Variants in ZNF718 observed in about 807,000 individuals in gnomAD.
ZNF718 encodes the protein zinc finger protein 718.
Under a neutral mutation model 2.6 loss-of-function variants are expected in ZNF718, and 3 were observed. That is an observed-to-expected ratio of 1.16 (90% CI 0.53 to 3.01). The LOEUF is 3.01. Among genes scored for constraint, ZNF718 ranks in the 30% most tolerant of loss-of-function variants. The probability of loss-of-function intolerance (pLI) is 0.03; values close to 1 mark genes in which losing one functional copy is unlikely to be tolerated. For synonymous variants in ZNF718, 135 were observed against 77.9 expected, an observed-to-expected ratio of 1.73 and a Z score of -3.86; for missense variants, 468 against 230.0, an observed-to-expected ratio of 2.03 and a Z score of -6.69.
chr4:173,559 C>T (rs576870082), intron 3 of ZNF718, among the ~76,000 whole-genome samples: 5 of 136,064 alleles, frequency 3.7e-5, no homozygotes, highest in African/African-American at 1.4e-4. Context: ...TCAAATGTGC[C>T]CTTTTAGTTT....
In ZNF718 at chr4:157,115, T is replaced by C. The variant is rs1443374791; in HGVS notation, c.227-3797T>C. Among the ~76,000 whole-genome samples the C allele has an allele frequency of 4.0e-3, 425 of 106,840 alleles. 13 individuals are homozygous for C. Among genetic ancestry groups the C allele is most frequent in the African/African-American group, 5.8e-3 (203 of 35,020 alleles). 70.1% of individuals were successfully genotyped at this position (106,840 alleles called of 152,430 possible). A position where few individuals can be genotyped will look rare whatever the true frequency, so the allele number is the denominator to read the frequency against. On this transcript the variant is annotated intron_variant, in intron 3 of 3. Transcript: ENST00000510175. ...TCTTTCTTTCTTTCTTTTTTTTTTT[T>C]TTTTTTTTTTTTTTTTCAGACAGTT... is the stretch of plus-strand genomic sequence containing the variant.
intron 3 of ZNF718, among the ~76,000 whole-genome samples, chr4:155,337 C>T (rs1213355033): frequency 2.0e-5 from 3 of 152,106 alleles, no homozygotes; most frequent in Admixed American, 6.6e-5. Flanking sequence ...ACTGATAGCT[C>T]GCACCATGCA....
upstream of ZNF718, chr4:124,489 G>A (rs1417398011): frequency 1.3e-6 from 1 of 750,710 alleles, no homozygotes; most frequent in Admixed American, 2.1e-5. Context: ...TGCGGCATCC[G>A]GGATCTGGCG....
chr4:170,722 C>T (rs1321022938), intron 3 of ZNF718, among the ~76,000 whole-genome samples: 1 of 152,112 alleles, frequency 6.6e-6, no homozygotes, highest in East Asian at 1.9e-4. Flanking sequence ...GACTTCTCTG[C>T]ATTATTATTC....
At chr4:154,666 G>A (rs1248288895) in intron 3 of ZNF718, among the ~76,000 whole-genome samples, 1 of 152,182 alleles carries the variant, frequency 6.6e-6, no homozygotes, top group Non-Finnish European at 1.5e-5. Flanking sequence ...AAGCATTCAT[G>A]AGGTGACTTG....
Position 161,552 on chromosome 4 carries a change from T to C in ZNF718, c.867T>C (p.Gly289=), listed in dbSNP as rs782557457. ...AQKYYKCEEC[G]KAFKWSSSLN... ...AATACTACAAATGTGAAGAATGTGG[T>C]AAAGCCTTTAAGTGGTCCTCATCCC... Residue 289 remains glycine (G), a synonymous_variant, in exon 4 of 4, where the codon GGT becomes GGC. Coordinates refer to ENST00000510175, the MANE Select transcript of ZNF718 (RefSeq NM_001039127.6). The C allele has an allele frequency of 1.3e-6, 1 of 780,614 alleles. No homozygotes were observed. Among genetic ancestry groups the C allele is most frequent in the South Asian group, 1.3e-5 (1 of 74,604 alleles). 48.4% of individuals were successfully genotyped at this position (780,614 alleles called of 1,614,324 possible). A position where few individuals can be genotyped will look rare whatever the true frequency, so the allele number is the denominator to read the frequency against.
intron 1 of ZNF718, among the ~76,000 whole-genome samples, chr4:126,116 C>T (rs1255104127): frequency 1.3e-5 from 2 of 152,202 alleles, no homozygotes; most frequent in Non-Finnish European, 2.9e-5. Flanking sequence ...CTGTCTTGTG[C>T]TTTTTCCTTC....
chr4:185,687 G>C (rs1717553345), intron 3 of ZNF718, among the ~76,000 whole-genome samples: 1 of 152,044 alleles, frequency 6.6e-6, no homozygotes, highest in Non-Finnish European at 1.5e-5. Context: ...TCCTGTGTTG[G>C]GTACATATAT....
At chr4:158,403 ATTATT>A (rs1553814152) in intron 3 of ZNF718, among the ~76,000 whole-genome samples, 1 of 151,780 alleles carries the variant, frequency 6.6e-6, no homozygotes, top group African/African-American at 2.4e-5. Context: ...GCTTACTAAT[ATTATT>A]TTATTGTTTT....
At chr4:125,724 C>G (rs960768583) in intron 1 of ZNF718, among the ~76,000 whole-genome samples, 3 of 152,208 alleles carry the variant, frequency 2.0e-5, no homozygotes, top group Admixed American at 6.5e-5. Flanking sequence ...ATCCCTTCCC[C>G]GCATCCTGCT....
At chr4:195,220 T>C (rs1426556819) in intron 3 of ZNF718, among the ~76,000 whole-genome samples, 2 of 152,172 alleles carry the variant, frequency 1.3e-5, no homozygotes, top group Non-Finnish European at 2.9e-5. Flanking sequence ...TGAGTCAGGA[T>C]TGAGATAGTT....
At chr4:170,926 T>C (rs1553817842) in intron 3 of ZNF718, among the ~76,000 whole-genome samples, 1 of 152,156 alleles carries the variant, frequency 6.6e-6, no homozygotes, top group Non-Finnish European at 1.5e-5. Flanking sequence ...GGCACTCTGA[T>C]TTTTAGAGTT....
Position 161,856 on chromosome 4 carries a change from G to T in ZNF718, c.1171G>T (p.Gly391Ter). ...TAATGTACACAAGAGAATTCACTCT[G>T]GAAAAAATCCCTACAAATGTGAAGA... ...TLNVHKRIHS[G>*]KNPYKCEDCG... The change falls in exon 4 of 4, where the codon GGA becomes TGA. Residue 391 changes from glycine to a stop codon, truncating the protein, a stop_gained. Transcript: ENST00000510175. LOFTEE classifies it low-confidence loss of function (END_TRUNC). 1 of 780,646 alleles carries T rather than the reference G, an allele frequency of 1.3e-6. No homozygotes were observed. Among genetic ancestry groups the T allele is most frequent in the Non-Finnish European group, 2.4e-6 (1 of 417,952 alleles). The allele number at this position is 780,646 out of a possible 1,614,324, so 48.4% of individuals were successfully genotyped here. A position where few individuals can be genotyped will look rare whatever the true frequency, so the allele number is the denominator to read the frequency against.
At chr4:197,338 A>G (rs1428097623) in intron 3 of ZNF718, among the ~76,000 whole-genome samples, 2 of 152,098 alleles carry the variant, frequency 1.3e-5, no homozygotes, top group Non-Finnish European at 2.9e-5. Context: ...ATAAAAAAAG[A>G]TGGGGCTAAG....
chr4:168,906 GT>G (rs1717160065), downstream of ZNF718, among the ~76,000 whole-genome samples: 1 of 152,126 alleles, frequency 6.6e-6, no homozygotes, highest in African/African-American at 2.4e-5. Context: ...TTTTGAATGT[GT>G]TTGCTCTTGG....
At chr4:172,141 T>C (rs1553818179) in intron 3 of ZNF718, among the ~76,000 whole-genome samples, 1 of 152,204 alleles carries the variant, frequency 6.6e-6, no homozygotes, top group Non-Finnish European at 1.5e-5. Flanking sequence ...CTGAACTTAG[T>C]CAACTGTATT....
At chr4:181,108 A>G (rs1299583045) in intron 3 of ZNF718, among the ~76,000 whole-genome samples, 2 of 149,190 alleles carry the variant, frequency 1.3e-5, no homozygotes, top group Admixed American at 1.3e-4. Flanking sequence ...TGCAGCCTCA[A>G]TCTCCTCTCC....
intron 3 of ZNF718, among the ~76,000 whole-genome samples, chr4:189,570 CA>C (rs1396297919): frequency 6.6e-6 from 1 of 152,072 alleles, no homozygotes; most frequent in African/African-American, 2.4e-5. Context: ...AACACTATGG[CA>C]AGGAAATAGT....
At chr4:186,447 G>C (rs889835865) in intron 3 of ZNF718, among the ~76,000 whole-genome samples, 1 of 152,040 alleles carries the variant, frequency 6.6e-6, no homozygotes, top group Non-Finnish European at 1.5e-5. Context: ...GGAGAATCTG[G>C]TGATTATATG....
Sources: allele counts gnomAD v4.1 joint callset (sites outside exome capture counted in the v4.1 genomes callset), GRCh38; gene constraint gnomAD v4.1.1; transcripts MANE v1.5; gene names NCBI Gene and HGNC (gene_info 2026-07-23, HGNC 2026-07-21).